The following NREP variants were observed in gnomAD, a reference collection of about 807,000 sequenced individuals.
NREP encodes neuronal regeneration related protein.
Under a neutral mutation model 8.6 loss-of-function variants are expected in NREP, and 5 were observed. The observed-to-expected ratio is 0.58, with a 90% CI of 0.30 to 1.22. The LOEUF (loss-of-function observed/expected upper bound fraction) is 1.22, where lower values mean the gene tolerates loss of function less well. Ranked by LOEUF, NREP falls within the 50% of genes most tolerant of loss-of-function variation. The pLI is 0.07. For missense variants in NREP, 86 were observed against 82.5 expected (o/e 1.04, Z -0.17); for synonymous variants, 27 against 28.0 (o/e 0.96, Z 0.11).
chr5:111,793,693 C>G (rs1751806349), intron 2 of NREP, among the ~76,000 whole-genome samples: 1 of 152,146 alleles, frequency 6.6e-6, no homozygotes, highest in Non-Finnish European at 1.5e-5. Flanking sequence ...ATCACAGGAG[C>G]CCTCCTCACT....
At chr5:111,972,936 T>C (rs573813713) in intron 2 of NREP, among the ~76,000 whole-genome samples, 8 of 152,272 alleles carry the variant, frequency 5.3e-5, no homozygotes, top group African/African-American at 1.9e-4. Context: ...ACTAAAATTA[T>C]GAAGAATTCA....
chr5:111,891,508 G>A (rs1425731367), intron 2 of NREP, among the ~76,000 whole-genome samples: 2 of 152,242 alleles, frequency 1.3e-5, no homozygotes, highest in East Asian at 3.9e-4. Flanking sequence ...TATCTGTATA[G>A]CGATGCCCCA....
At chr5:111,973,528 T>C (rs550370107) in intron 2 of NREP, among the ~76,000 whole-genome samples, 1 of 152,248 alleles carries the variant, frequency 6.6e-6, no homozygotes, top group East Asian at 1.9e-4. Flanking sequence ...CCTGCGAAAA[T>C]ATTTAGTCTG....
intron 2 of NREP, among the ~76,000 whole-genome samples, chr5:111,903,853 G>T (rs933621417): frequency 6.6e-6 from 1 of 152,130 alleles, no homozygotes; most frequent in African/African-American, 2.4e-5. Context: ...CAAGGTCCAA[G>T]TTATTCTAAT....
intron 2 of NREP, among the ~76,000 whole-genome samples, chr5:111,889,868 C>G (rs188931044): frequency 1.3e-4 from 19 of 151,968 alleles, no homozygotes; most frequent in African/African-American, 4.6e-4. Context: ...GGGGGTTATT[C>G]TCTTGCGGGC....
At chr5:111,855,436 C>A (rs1347737873) in intron 2 of NREP, among the ~76,000 whole-genome samples, 1 of 152,150 alleles carries the variant, frequency 6.6e-6, no homozygotes, top group East Asian at 1.9e-4. Context: ...GAGCTTCAAG[C>A]TTTTTAACCA....
chr5:111,764,200 C>T (rs1344277817), intron 2 of NREP, among the ~76,000 whole-genome samples: 1 of 152,168 alleles, frequency 6.6e-6, no homozygotes, highest in Non-Finnish European at 1.5e-5. Flanking sequence ...TCAGGTGCTC[C>T]ATTTAGGCAC....
intron 2 of NREP, among the ~76,000 whole-genome samples, chr5:111,852,280 A>AT (rs11432653): frequency 0.44 from 66,123 of 151,790 alleles, 17,323 homozygotes; most frequent in Non-Finnish European, 0.6. Flanking sequence ...TGTATAGTCT[A>AT]TTTTTTTGTA....
At chr5:111,734,786 G>A (rs1046960760) in intron 3 of NREP, 7 of 687,800 alleles carry the variant, frequency 1.0e-5, no homozygotes, top group Admixed American at 4.1e-5. Context: ...TACTCTCCCC[G>A]CTTGAAGTCA....
chr5:111,877,895 C>A (rs1051691073), intron 2 of NREP, among the ~76,000 whole-genome samples: 2 of 152,230 alleles, frequency 1.3e-5, no homozygotes, highest in East Asian at 1.9e-4. Flanking sequence ...TAGGGCCACA[C>A]TGGAGTATGG....
intron 2 of NREP, among the ~76,000 whole-genome samples, chr5:111,878,943 G>A (rs944780484): frequency 6.6e-6 from 1 of 152,246 alleles, no homozygotes; most frequent in African/African-American, 2.4e-5. Flanking sequence ...GACACTGTTT[G>A]ATATAGTTTG....
intron 2 of NREP, among the ~76,000 whole-genome samples, chr5:111,938,610 C>T (rs530698964): frequency 6.6e-6 from 1 of 152,102 alleles, no homozygotes; most frequent in South Asian, 2.1e-4. Context: ...TGTGTGACCT[C>T]TAGAACAAGT....
At chr5:111,895,191 C>T (rs1438293616) in intron 2 of NREP, among the ~76,000 whole-genome samples, 2 of 152,120 alleles carry the variant, frequency 1.3e-5, no homozygotes, top group East Asian at 3.8e-4. Flanking sequence ...TCAACTTATC[C>T]TCAAACCTTG....
At chr5:111,731,071 C>G in intron 3 of NREP, 25 bp from the exon 4 acceptor site, 1 of 1,606,408 alleles carries the variant, frequency 6.2e-7, no homozygotes, top group African/African-American at 1.3e-5. Flanking sequence ...GACCCACACA[C>G]AGACAGACAC....
intron 2 of NREP, among the ~76,000 whole-genome samples, chr5:111,872,772 T>G (rs571273296): frequency 3.3e-5 from 5 of 152,296 alleles, no homozygotes; most frequent in African/African-American, 7.2e-5. Context: ...GTGACAGAAT[T>G]TGAAGTGAGA....
chr5:111,825,844 C>G lies in NREP; in HGVS notation c.136-90337G>C, dbSNP rs909936781. ...TATCCGAGGCCATAGCTTAAAGTTT[C>G]TCATTTTAATATTCAGGTCTCCCTC... is the stretch of plus-strand genomic sequence containing the variant. On this transcript the variant is annotated intron_variant, in intron 2 of 3. Coordinates refer to the NREP transcript ENST00000395634. Among the ~76,000 whole-genome samples the G allele has an allele frequency of 7.9e-5, 12 of 152,262 alleles. No individual in the cohort carries two copies. The East Asian group carries it at 2.3e-3, about 29-fold the overall frequency.
Position 111,883,891 on chromosome 5 carries a change from C to T in NREP, c.135+91383G>A, listed in dbSNP as rs531183631. On this transcript the variant is annotated intron_variant, in intron 2 of 3. Transcript: ENST00000395634. ...AAGCAGGAAAGATCTAAAATTCACA[C>T]CCTGACATCACAATTAAAAGAACTA... Among the ~76,000 whole-genome samples the T allele has an allele frequency of 7.2e-4, 110 of 152,190 alleles. 1 individual carries two copies. Among genetic ancestry groups the T allele is most frequent in the African/African-American group, 2.4e-3 (100 of 41,494 alleles).
chr5:111,769,428 G>T (rs993652890), intron 2 of NREP, among the ~76,000 whole-genome samples: 1 of 152,162 alleles, frequency 6.6e-6, no homozygotes, highest in Non-Finnish European at 1.5e-5. Flanking sequence ...CAAAATGACC[G>T]GGCAAAGAAT....
chr5:111,858,191 T>C (rs928001742), intron 2 of NREP, among the ~76,000 whole-genome samples: 3 of 152,100 alleles, frequency 2.0e-5, no homozygotes, highest in African/African-American at 7.2e-5. Flanking sequence ...GTAGAGCCAG[T>C]AGTTGGTGTT....
Sources: gnomAD v4.1 joint callset for allele counts (sites outside exome capture counted in the v4.1 genomes callset) on GRCh38, gnomAD v4.1.1 for gene constraint, MANE v1.5 for transcripts, NCBI Gene and HGNC (gene_info 2026-07-23, HGNC 2026-07-21) for gene names.